The following ANK2 variants were observed in gnomAD, a reference collection of about 807,000 sequenced individuals.
ANK2 encodes ankyrin-2.
In ANK2, 83 loss-of-function variants were observed where a neutral mutation model predicts 360.5. That is an observed-to-expected ratio of 0.23 (90% CI 0.19 to 0.28). The LOEUF is 0.28. ANK2 is among the 10% of genes least tolerant of loss of function. The pLI is 1.00. For missense variants in ANK2, 4,201 were observed against 4,795.7 expected (o/e 0.88, Z 3.66); for synonymous variants, 1,740 against 1,759.5 (o/e 0.99, Z 0.28).
At chr4:113,319,626 A>G (rs2084890922) in intron 26 of ANK2, among the ~76,000 whole-genome samples, 1 of 152,026 alleles carries the variant, frequency 6.6e-6, no homozygotes, top group Non-Finnish European at 1.5e-5. Context: ...AACTAATCTT[A>G]TACTAAGTAA....
At chr4:112,758,768 C>T in the ANK2 span, among the ~76,000 whole-genome samples, 9 of 152,110 alleles carry the variant, frequency 5.9e-5, no homozygotes, top group Non-Finnish European at 1.2e-4. Flanking sequence ...ACTGTAGTAA[C>T]GACGCCACGG....
At chr4:112,980,334 T>C (rs1401935818) in intron 2 of ANK2, 1 of 152,484 alleles carries the variant, frequency 6.6e-6, no homozygotes, top group Non-Finnish European at 1.5e-5. Context: ...CTTACCTGGG[T>C]TTGGAGCTGT....
chr4:112,881,247 G>A (rs1017871701), intron 1 of ANK2, among the ~76,000 whole-genome samples: 2 of 152,138 alleles, frequency 1.3e-5, no homozygotes, highest in South Asian at 2.1e-4. Flanking sequence ...AGACCAGCCT[G>A]GGCAACATGG....
the ANK2 span, among the ~76,000 whole-genome samples, chr4:112,713,934 AAAAAAAAAAAC>A: frequency 1.9e-5 from 1 of 53,794 alleles, no homozygotes; most frequent in Admixed American, 1.5e-4. Flanking sequence ...ACTCCGTCTC[AAAAAAAAAAAC>A]AAAAAAAAAA....
In ANK2 at chr4:113,335,872, A is replaced by G; in HGVS notation, c.3406A>G (p.Lys1136Glu). 4 of 1,614,194 alleles carry G rather than the reference A, an allele frequency of 2.5e-6. No individual in the cohort carries two copies. The highest frequency in any genetic ancestry group is 2.5e-6 in the Non-Finnish European group (3 of 1,180,032). ...EVLDSPEDLE[K>E]KRICRIITRD... Reference sequence around the variant, plus strand: ...ACTGGATAGCCCAGAAGACCTAGAAAAGAAACGAATCTGCCGCATCATCAC... The same window carrying G: ...ACTGGATAGCCCAGAAGACCTAGAAGAGAAACGAATCTGCCGCATCATCAC... Residue 1136 changes from lysine to glutamate, a missense_variant, in exon 30 of 46, where the codon AAG becomes GAG. This residue lies in a region of ANK2 where 1,268 missense variants were observed against 1,650.8 expected (regional missense o/e 0.77). Transcript: ENST00000357077.
chr4:112,968,152 C>T (rs1164421496), intron 2 of ANK2, among the ~76,000 whole-genome samples: 1 of 152,144 alleles, frequency 6.6e-6, no homozygotes, highest in Non-Finnish European at 1.5e-5. Flanking sequence ...TCCAATGAAC[C>T]ATTAATTATT....
At chr4:112,838,701 C>G (rs1326582089) in intron 1 of ANK2, among the ~76,000 whole-genome samples, 1 of 152,192 alleles carries the variant, frequency 6.6e-6, no homozygotes, top group African/African-American at 2.4e-5. Flanking sequence ...AACCCTGTCT[C>G]TAATAAAAAT....
chr4:112,725,371 T>G, the ANK2 span, among the ~76,000 whole-genome samples: 4 of 133,312 alleles, frequency 3.0e-5, no homozygotes, highest in South Asian at 1.1e-3. Context: ...TTTTTTTTTT[T>G]TTTTTTTGAG....
At chr4:112,894,958 G>A (rs1412099403) in intron 1 of ANK2, among the ~76,000 whole-genome samples, 1 of 152,104 alleles carries the variant, frequency 6.6e-6, no homozygotes, top group Admixed American at 6.5e-5. Flanking sequence ...AAAATTCCCA[G>A]TAATTTGCCA....
At chr4:113,221,166 G>A (rs867864751) in intron 4 of ANK2, among the ~76,000 whole-genome samples, 1 of 152,196 alleles carries the variant, frequency 6.6e-6, no homozygotes, top group Non-Finnish European at 1.5e-5. Context: ...AAAATGCAAA[G>A]GAAGACTTTG....
chr4:112,756,122 C>T, the ANK2 span, among the ~76,000 whole-genome samples: 1 of 151,762 alleles, frequency 6.6e-6, no homozygotes, highest in South Asian at 2.1e-4. Context: ...GCCTGTAGTC[C>T]CAGCTACTGG....
At chr4:112,979,789 G>A (rs905772916) in intron 2 of ANK2, 1 of 152,266 alleles carries the variant, frequency 6.6e-6, no homozygotes, top group African/African-American at 2.4e-5. Flanking sequence ...ACATCTGTGT[G>A]AGTCTGGCTG....
At chr4:113,156,744 T>C (rs1583297887) in intron 1 of ANK2, among the ~76,000 whole-genome samples, 1 of 150,706 alleles carries the variant, frequency 6.6e-6, no homozygotes, top group Admixed American at 6.6e-5. Context: ...TTGCTAACCG[T>C]AATTTTGTTT....
chr4:113,348,137 A>C (rs2095077691), intron 35 of ANK2, 139 bp from the exon 36 acceptor site: 1 of 818,498 alleles, frequency 1.2e-6, no homozygotes, highest in African/African-American at 1.7e-5. Flanking sequence ...TTAGTAATAA[A>C]AAAAGAGTAT....
At chr4:113,118,403 T>C (rs2154369990) in intron 1 of ANK2, among the ~76,000 whole-genome samples, 1 of 152,340 alleles carries the variant, frequency 6.6e-6, no homozygotes, top group South Asian at 2.1e-4. Context: ...CTCAATGGAC[T>C]CTTTTTTTCT....
chr4:113,068,716 G>A (rs1225207859), intron 1 of ANK2, among the ~76,000 whole-genome samples: 1 of 152,074 alleles, frequency 6.6e-6, no homozygotes, highest in African/African-American at 2.4e-5. Flanking sequence ...TTTAGGTTTA[G>A]GGAAACAAAA....
chr4:112,893,231 T>G (rs1348843729), intron 1 of ANK2, among the ~76,000 whole-genome samples: 2 of 152,176 alleles, frequency 1.3e-5, no homozygotes, highest in Admixed American at 6.5e-5. Context: ...AATATTATTA[T>G]TATTCCCAAC....
chr4:113,370,129 C>T (rs1450202286), intron 43 of ANK2, among the ~76,000 whole-genome samples: 1 of 152,100 alleles, frequency 6.6e-6, no homozygotes, highest in Admixed American at 6.5e-5. Context: ...GGGCATGAAA[C>T]CTGGTGGCAG....
At chr4:112,726,914 A>G in the ANK2 span, among the ~76,000 whole-genome samples, 1 of 152,078 alleles carries the variant, frequency 6.6e-6, no homozygotes, top group Middle Eastern at 3.4e-3. Flanking sequence ...TATGGAAATC[A>G]AAGTAAAACT....
Sources: gnomAD v4.1 joint callset for allele counts (sites outside exome capture counted in the v4.1 genomes callset) on GRCh38, gnomAD v4.1.1 for gene constraint, gnomAD v4.1.1 regional missense constraint, MANE v1.5 for transcripts, NCBI Gene and HGNC (gene_info 2026-07-23, HGNC 2026-07-21) for gene names.